The following GPC5 variants were observed in gnomAD, a reference collection of about 807,000 sequenced individuals.
GPC5 encodes the protein glypican 5.
GPC5 carries 47 observed loss-of-function variants against 53.9 expected under a neutral mutation model. The ratio of observed to expected loss-of-function variants is 0.87; its 90% CI spans 0.69 to 1.11. The LOEUF is 1.11. Ranked by LOEUF, GPC5 falls within the 50% of genes most tolerant of loss-of-function variation. The pLI is 0.00. For missense variants in GPC5, 748 were observed against 713.1 expected, an observed-to-expected ratio of 1.05 and a Z score of -0.56; for synonymous variants, 286 against 263.3, an observed-to-expected ratio of 1.09 and a Z score of -0.84.
chr13:92,773,755 C>G (rs1294981309), intron 7 of GPC5, among the ~76,000 whole-genome samples: 1 of 152,094 alleles, frequency 6.6e-6, no homozygotes, highest in Non-Finnish European at 1.5e-5. Flanking sequence ...ATTCCTTGAT[C>G]TTGAATTTCA....
At chr13:92,531,966 A>G (rs1460720168) in intron 7 of GPC5, among the ~76,000 whole-genome samples, 2 of 152,170 alleles carry the variant, frequency 1.3e-5, no homozygotes, top group Non-Finnish European at 2.9e-5. Flanking sequence ...GTTACCTGTT[A>G]ACTCTTGCAC....
At chr13:91,863,591 G>A (rs1283726533) in intron 5 of GPC5, among the ~76,000 whole-genome samples, 3 of 151,812 alleles carry the variant, frequency 2.0e-5, no homozygotes, top group Non-Finnish European at 4.4e-5. Context: ...TTCCTATAGG[G>A]ATACCATCAA....
At chr13:91,702,943 G>A (rs117239974) in intron 3 of GPC5, among the ~76,000 whole-genome samples, 2,068 of 152,180 alleles carry the variant, frequency 0.014, 18 homozygotes, top group Non-Finnish European at 0.02. Context: ...TGCTGTTAGT[G>A]TATGGAAGTG....
intron 7 of GPC5, among the ~76,000 whole-genome samples, chr13:92,355,897 T>C (rs1392224620): frequency 1.3e-5 from 2 of 151,060 alleles, no homozygotes; most frequent in African/African-American, 4.9e-5. Flanking sequence ...TTTTTTTTTT[T>C]TTTTGCTAAA....
intron 2 of GPC5, among the ~76,000 whole-genome samples, chr13:91,504,342 A>T (rs1884819910): frequency 6.6e-6 from 1 of 152,124 alleles, no homozygotes; most frequent in Non-Finnish European, 1.5e-5. Context: ...AAAGTCAGGA[A>T]GAATATCAGG....
chr13:92,550,432 T>C (rs955291405), intron 7 of GPC5, among the ~76,000 whole-genome samples: 2 of 151,836 alleles, frequency 1.3e-5, no homozygotes, highest in African/African-American at 4.8e-5. Context: ...TTATGGCCTG[T>C]ATGAAGTGAG....
At chr13:92,148,034 C>T (rs1434457001) in intron 7 of GPC5, among the ~76,000 whole-genome samples, 1 of 152,034 alleles carries the variant, frequency 6.6e-6, no homozygotes, top group African/African-American at 2.4e-5. Context: ...ACTTGAAATG[C>T]ACCACTATTT....
At chr13:92,004,163 T>C (rs1191107404) in intron 6 of GPC5, among the ~76,000 whole-genome samples, 2 of 152,048 alleles carry the variant, frequency 1.3e-5, no homozygotes, top group Admixed American at 6.6e-5. Flanking sequence ...AATGACACTA[T>C]AGGCCAGGCG....
chr13:92,008,562 A>G (rs959906520), intron 6 of GPC5, among the ~76,000 whole-genome samples: 1 of 152,028 alleles, frequency 6.6e-6, no homozygotes, highest in Admixed American at 6.5e-5. Context: ...TTAAAAAATA[A>G]TTTTGGAATA....
At chr13:91,862,437 G>T (rs1481537308) in intron 5 of GPC5, among the ~76,000 whole-genome samples, 1 of 152,140 alleles carries the variant, frequency 6.6e-6, no homozygotes, top group Admixed American at 6.5e-5. Flanking sequence ...GGTGGGGAAG[G>T]TGCTACTGTC....
At chr13:92,830,345 G>A (rs576218281) in intron 7 of GPC5, among the ~76,000 whole-genome samples, 1 of 152,114 alleles carries the variant, frequency 6.6e-6, no homozygotes, top group South Asian at 2.1e-4. Context: ...TTTACAATAT[G>A]CTTTTACATT....
rs755337270 is a variant in GPC5, at chr13:91,448,738, C to A, written c.164-23C>A. The stretch of plus-strand genomic sequence containing the variant: ...CTTGTTAAATGAACAGGTAATCATT[C>A]TGAAAAATGTTGTGTGTTCCAGGAC... On this transcript the variant is annotated intron_variant, in intron 1 of 7. Transcript: ENST00000377067. 5.0e-6 allele frequency: 8 copies of A among 1,606,238 alleles called. No homozygotes were observed. The East Asian group carries it at 1.8e-4, about 36-fold the overall frequency.
In GPC5 at chr13:92,256,624, A is replaced by G. The variant is rs1281499437; in HGVS notation, c.1561+111635A>G. ...TATAACATGCATCTAACATTAACAT[A>G]TTGGTTTTCCATTGACAAGGAAGAG... On this transcript the variant is annotated intron_variant, in intron 7 of 7. Coordinates refer to ENST00000377067, the MANE Select transcript of GPC5 (RefSeq NM_004466.6). Among the ~76,000 whole-genome samples the G allele has an allele frequency of 2.6e-5, 4 of 152,130 alleles. No homozygotes were observed. In the East Asian group the frequency reaches 5.8e-4, roughly 22 times the overall value.
intron 6 of GPC5, among the ~76,000 whole-genome samples, chr13:92,037,057 C>T (rs72635406): frequency 1.3e-5 from 2 of 152,228 alleles, no homozygotes; most frequent in Non-Finnish European, 2.9e-5. Context: ...TTGCTCTAAT[C>T]TTCCAATGAT....
chr13:91,935,565 A>G (rs1051201215), intron 6 of GPC5, among the ~76,000 whole-genome samples: 1 of 152,054 alleles, frequency 6.6e-6, no homozygotes, highest in Non-Finnish European at 1.5e-5. Flanking sequence ...TTTGTGGTTT[A>G]TCAGGCATCT....
intron 7 of GPC5, among the ~76,000 whole-genome samples, chr13:92,818,563 G>A (rs996333232): frequency 1.3e-5 from 2 of 151,892 alleles, no homozygotes; most frequent in South Asian, 2.1e-4. Flanking sequence ...CTGGCATAAC[G>A]TAAACAAACT....
At chr13:92,262,542 T>C (rs2042774055) in intron 7 of GPC5, among the ~76,000 whole-genome samples, 2 of 152,162 alleles carry the variant, frequency 1.3e-5, no homozygotes, top group Admixed American at 6.5e-5. Context: ...TTAGCATTAA[T>C]GCCATGCATT....
chr13:91,781,828 A>G (rs1410464939), intron 5 of GPC5, among the ~76,000 whole-genome samples: 11 of 152,210 alleles, frequency 7.2e-5, no homozygotes, highest in Non-Finnish European at 1.6e-4. Flanking sequence ...TCTACTATAA[A>G]CAATAAACTT....
intron 5 of GPC5, among the ~76,000 whole-genome samples, chr13:91,876,634 G>T (rs956436466): frequency 6.6e-6 from 1 of 152,166 alleles, no homozygotes. Flanking sequence ...TGCTGTCAAA[G>T]GCATTCAGTT....
Sources: gnomAD v4.1 joint callset for allele counts (sites outside exome capture counted in the v4.1 genomes callset) on GRCh38, gnomAD v4.1.1 for gene constraint, MANE v1.5 for transcripts, NCBI Gene and HGNC (gene_info 2026-07-23, HGNC 2026-07-21) for gene names.